The following LOC122539214 variants were observed in gnomAD, a reference collection of about 807,000 sequenced individuals.
the LOC122539214 span, among the ~76,000 whole-genome samples, chr19:52,686,563 T>G: frequency 2.6e-5 from 4 of 151,678 alleles, no homozygotes; most frequent in Non-Finnish European, 4.4e-5. Flanking sequence ...ACCCCTTTTA[T>G]TTTTTATTTT....
the LOC122539214 span, among the ~76,000 whole-genome samples, chr19:52,685,897 C>CAAA: frequency 1.4e-4 from 18 of 132,430 alleles, no homozygotes; most frequent in East Asian, 4.8e-4. Flanking sequence ...GTAACTGTCA[C>CAAA]AAAAAAAAAA....
the LOC122539214 span, among the ~76,000 whole-genome samples, chr19:52,680,688 CTG>C: frequency 7.2e-6 from 1 of 138,198 alleles, no homozygotes; most frequent in Non-Finnish European, 1.5e-5. Context: ...TCTCGGCTCA[CTG>C]CAAGCTCCGC....
chr19:52,654,352 G>C, the LOC122539214 span: 1 of 1,326,380 alleles, frequency 7.5e-7, no homozygotes. Flanking sequence ...CACTTCTCCT[G>C]TATTACCGTG....
the LOC122539214 span, among the ~76,000 whole-genome samples, chr19:52,667,923 A>C: frequency 1.3e-5 from 2 of 152,222 alleles, no homozygotes; most frequent in Admixed American, 1.3e-4. Flanking sequence ...GAAGTGTTAA[A>C]TATAAAATGG....
chr19:52,660,436 T>C, the LOC122539214 span, among the ~76,000 whole-genome samples: 864 of 144,652 alleles, frequency 6.0e-3, 25 homozygotes, highest in African/African-American at 0.023. Context: ...CTGGCCAACA[T>C]GGTGAAATCC....
At chr19:52,660,210 C>T in the LOC122539214 span, among the ~76,000 whole-genome samples, 10 of 152,082 alleles carry the variant, frequency 6.6e-5, no homozygotes, top group Non-Finnish European at 1.3e-4. Flanking sequence ...AGAGAGGGCA[C>T]CTCTGCAGCT....
At chr19:52,686,747 A>G in the LOC122539214 span, among the ~76,000 whole-genome samples, 3 of 151,846 alleles carry the variant, frequency 2.0e-5, no homozygotes, top group African/African-American at 7.3e-5. Flanking sequence ...TAAGTTTTGT[A>G]TTTTTCATAG....
At chr19:52,682,057 A>G in the LOC122539214 span, among the ~76,000 whole-genome samples, 1 of 152,112 alleles carries the variant, frequency 6.6e-6, no homozygotes, top group South Asian at 2.1e-4. Context: ...CATCTTGGCC[A>G]GGCTGGTATT....
At chr19:52,652,666 CT>C in the LOC122539214 span, 1 of 559,774 alleles carries the variant, frequency 1.8e-6, no homozygotes, top group Non-Finnish European at 3.4e-6. Context: ...ATTATGGATT[CT>C]CTAATGATTT....
chr19:52,673,500 T>TCTCACACACACA, the LOC122539214 span, among the ~76,000 whole-genome samples: 361 of 149,026 alleles, frequency 2.4e-3, 1 homozygote, highest in Non-Finnish European at 4.1e-3. Context: ...TGTAACTCCA[T>TCTCACACACACA]CACACACACA....
At chr19:52,671,113 T>G in the LOC122539214 span, among the ~76,000 whole-genome samples, 1 of 152,214 alleles carries the variant, frequency 6.6e-6, no homozygotes, top group Non-Finnish European at 1.5e-5. Flanking sequence ...AAACGATACC[T>G]TTGAAGGACC....
the LOC122539214 span, among the ~76,000 whole-genome samples, chr19:52,685,304 G>C: frequency 6.6e-6 from 1 of 152,124 alleles, no homozygotes; most frequent in African/African-American, 2.4e-5. Flanking sequence ...GAAGATCTGA[G>C]ATGAGTGAGA....
At chr19:52,690,021 C>T in the LOC122539214 span, among the ~76,000 whole-genome samples, 6 of 152,148 alleles carry the variant, frequency 3.9e-5, no homozygotes, top group South Asian at 2.1e-4. Context: ...TGCAGGATCC[C>T]AGGACTAGGC....
chr19:52,670,033 C>A, the LOC122539214 span, among the ~76,000 whole-genome samples: 1 of 152,348 alleles, frequency 6.6e-6, no homozygotes. Context: ...ATGTTCAATT[C>A]TTTGCCTTCT....
chr19:52,673,215 C>T, the LOC122539214 span, among the ~76,000 whole-genome samples: 11 of 152,064 alleles, frequency 7.2e-5, no homozygotes, highest in African/African-American at 2.7e-4. Flanking sequence ...TCTCAAAAAA[C>T]TAAACAAATG....
chr19:52,653,296 C>G, the LOC122539214 span: 1 of 1,388,534 alleles, frequency 7.2e-7, no homozygotes, highest in Non-Finnish European at 1.0e-6. Flanking sequence ...AAAAACCTTA[C>G]CACATTCATT....
chr19:52,689,387 A>AG, the LOC122539214 span, among the ~76,000 whole-genome samples: 3 of 146,486 alleles, frequency 2.0e-5, no homozygotes, highest in Non-Finnish European at 4.6e-5. Flanking sequence ...TCCCTGTTAT[A>AG]CCCTCATCCC....
chr19:52,685,298 A>G, the LOC122539214 span, among the ~76,000 whole-genome samples: 6 of 152,206 alleles, frequency 3.9e-5, no homozygotes, highest in South Asian at 1.0e-3. Flanking sequence ...CCCTGAGAAG[A>G]TCTGAGATGA....
chr19:52,681,303 C>CAAAAAAAAAAAAA, the LOC122539214 span, among the ~76,000 whole-genome samples: 35 of 78,304 alleles, frequency 4.5e-4, no homozygotes, highest in Non-Finnish European at 5.8e-4. Flanking sequence ...AAAAAAAAAG[C>CAAAAAAAAAAAAA]AAACGAACAT....
Sources: gnomAD v4.1 joint callset for allele counts (sites outside exome capture counted in the v4.1 genomes callset) on GRCh38, gnomAD v4.1.1 for gene constraint, MANE v1.5 for transcripts.